Variants in RNF40 observed in about 807,000 individuals in gnomAD.
RNF40 encodes E3 ubiquitin-protein ligase BRE1B.
RNF40 carries 39 observed loss-of-function variants against 123.3 expected under a neutral mutation model. That is an observed-to-expected ratio of 0.32 (90% confidence interval 0.24 to 0.41). RNF40 has a LOEUF of 0.41. Ranked by LOEUF, RNF40 falls within the 10% of genes least tolerant of loss-of-function variation. The pLI, the probability that RNF40 is intolerant of heterozygous loss-of-function variation, is 1.00. For synonymous variants in RNF40, 538 were observed against 526.0 expected, an observed-to-expected ratio of 1.02 and a Z score of -0.31; for missense variants, 1,003 against 1,319.9, an observed-to-expected ratio of 0.76 and a Z score of 3.72.
rs940773082 is a variant in RNF40 at position 30,775,486 on chromosome 16, GGAGA to G, written c.*1378_*1381del. Reference sequence around the variant, plus strand: ...GTCCGCACATGGTTAGGAGGTTCTCGGAGAGAGAGCTAGTTTCCCGGTTGCGCTG... The same window carrying G: ...GTCCGCACATGGTTAGGAGGTTCTCGGAGAGCTAGTTTCCCGGTTGCGCTG... On this transcript the variant is annotated 3_prime_UTR_variant, in exon 20 of 20. Transcript: ENST00000324685. 1 of 166,950 alleles carries G rather than the reference GGAGA, an allele frequency of 6.0e-6. No individual in the cohort carries two copies. Among genetic ancestry groups the G allele is most frequent in the African/African-American group, 2.4e-5 (1 of 41,762 alleles). The allele number at this position is 166,950 out of a possible 1,614,324, so 10.3% of individuals were successfully genotyped here.
upstream of RNF40, chr16:30,761,985 G>T: frequency 1.8e-6 from 1 of 558,120 alleles, no homozygotes; most frequent in Admixed American, 3.4e-5. Flanking sequence ...TCACGCCAGT[G>T]GGAGCGAAGA....
rs1370660369 is a variant in RNF40, at chr16:30,762,688, T to C, written c.132+11T>C. ...GGCATCTCTTCCACGGTTCGTGGGCTCTTGCCTTAACCCTCAGAACTTCCC... is the reference window on the plus strand; with the variant it reads ...GGCATCTCTTCCACGGTTCGTGGGCCCTTGCCTTAACCCTCAGAACTTCCC... On this transcript the variant is annotated intron_variant, in intron 2 of 19. Coordinates refer to ENST00000324685, the MANE Select transcript of RNF40 (RefSeq NM_014771.4). 1.9e-6 allele frequency: 3 copies of C among 1,611,776 alleles called. No homozygotes were observed. The highest frequency in any genetic ancestry group is 1.1e-5 in the South Asian group (1 of 90,760).
intron 17 of RNF40, 110 bp downstream of exon 17, chr16:30,769,710 A>C: frequency 8.2e-7 from 1 of 1,215,792 alleles, no homozygotes; most frequent in Non-Finnish European, 1.1e-6. Flanking sequence ...CCAGGCTGTC[A>C]CAGAACAGCT....
intron 19 of RNF40, 90 bp from the exon 20 acceptor site, chr16:30,773,847 TG>T: frequency 1.5e-6 from 2 of 1,303,514 alleles, no homozygotes; most frequent in Non-Finnish European, 2.2e-6. Context: ...GTCTCCAGTG[TG>T]GTGGGCTTGG....
chr16:30,768,219 T>C lies in RNF40; in HGVS notation c.1668T>C (p.Ser556=). The C allele has an allele frequency of 1.9e-6, 3 of 1,613,688 alleles. No individual in the cohort carries two copies. The highest frequency in any genetic ancestry group is 2.5e-6 in the Non-Finnish European group (3 of 1,179,980). The change falls in exon 13 of 20, where the codon AGT becomes AGC. Residue 556 remains serine, a synonymous_variant. Coordinates refer to ENST00000324685, the MANE Select transcript of RNF40 (RefSeq NM_014771.4). The surrounding 1 kb of genome is among the most constrained non-coding windows in gnomAD (Gnocchi z 4.1). ...GKEEGGPGPV[S]TPDNRKEMAP... ...AGGAGGGTGGGCCAGGCCCTGTCAG[T>C]ACCCCCGACAACAGAAAGGAGATGG...
At chr16:30,761,880 C>T, upstream of RNF40, 1 of 897,162 alleles carries the variant, frequency 1.1e-6, no homozygotes, top group Non-Finnish European at 1.6e-6. Context: ...CGCGGAGAGG[C>T]GCGGCGGGGC....
chr16:30,766,790 T>G lies in RNF40; in HGVS notation c.1343T>G (p.Leu448Arg), dbSNP rs1236594606. The G allele has an allele frequency of 6.2e-7, 1 of 1,613,960 alleles. No individual in the cohort carries two copies. Among genetic ancestry groups the G allele is most frequent in the Non-Finnish European group, 8.5e-7 (1 of 1,180,022 alleles). Residue 448 changes from leucine (L) to arginine (R), a missense_variant, in exon 11 of 20, where the codon CTG becomes CGG. Transcript: ENST00000324685. This position sits in a 1 kb window ranked among gnomAD's most constrained non-coding sequence, Gnocchi z 5.4. ...AAGCTACGCACAGAGGTCATTCAGC[T>G]GGAGGACACGCTGGCCCAGGTACGC... is the stretch of plus-strand genomic sequence containing the variant. ...QKKLRTEVIQ[L>R]EDTLAQVRKE... is the part of the protein sequence containing the mutation.
In RNF40 at chr16:30,766,428, A is replaced by G. The variant is rs202224486; in HGVS notation, c.1163A>G (p.Tyr388Cys). ...GAGGTAGTGCGGGAGACGGGGGAGT[A>G]CCGCATGCTGCAGGCCCAATTCTCA... ...PEEVVRETGE[Y>C]RMLQAQFSLL... The change falls in exon 10 of 20, where the codon TAC becomes TGC. Residue 388 changes from tyrosine (Y) to cysteine (C), a missense_variant. Around this residue, in one of 11 missense-constraint regions of RNF40, gnomAD observed 274 missense variants for 356.9 expected, o/e 0.77. Coordinates refer to ENST00000324685, the MANE Select transcript of RNF40 (RefSeq NM_014771.4). The surrounding 1 kb of genome is among the most constrained non-coding windows in gnomAD (Gnocchi z 5.4). The G allele has an allele frequency of 6.2e-7, 1 of 1,613,910 alleles. No homozygotes were observed. Among genetic ancestry groups the G allele is most frequent in the African/African-American group, 1.3e-5 (1 of 75,024 alleles).
chr16:30,761,907 C>A (rs1326937244), upstream of RNF40: 2 of 702,254 alleles, frequency 2.8e-6, no homozygotes, highest in East Asian at 5.8e-5. Context: ...GTGGGGGCGT[C>A]TCCCTCCGTC....
intron 11 of RNF40, 78 bp from the exon 12 acceptor site, chr16:30,767,816 G>T: frequency 6.3e-7 from 1 of 1,596,356 alleles, no homozygotes; most frequent in African/African-American, 1.3e-5. Flanking sequence ...TGATGGCATA[G>T]CCTCTTACCC....
At chr16:30,770,927 G>C (rs2151333595) in intron 17 of RNF40, among the ~76,000 whole-genome samples, 1 of 152,238 alleles carries the variant, frequency 6.6e-6, no homozygotes, top group East Asian at 1.9e-4. Context: ...TGCCAGGCTG[G>C]TCTCAAACTC....
chr16:30,765,162 GCT>G lies in RNF40; in HGVS notation c.772-17_772-16del, dbSNP rs775260202. ...AACCAAGTCCCCCATCCAAGCATCT[GCT>G]CCCTCATTGTTCCCAGTACTCCGAG... is the stretch of plus-strand genomic sequence containing the variant. On this transcript the variant is annotated splice_polypyrimidine_tract_variant and intron_variant, in intron 6 of 19. Coordinates refer to ENST00000324685, the MANE Select transcript of RNF40 (RefSeq NM_014771.4). 6.2e-7 allele frequency: 1 copy of G among 1,613,490 alleles called. No homozygotes were observed. Among genetic ancestry groups the G allele is most frequent in the South Asian group, 1.1e-5 (1 of 91,068 alleles).
chr16:30,764,883 A>G, intron 5 of RNF40, 55 bp from the exon 6 acceptor site: 2 of 1,576,624 alleles, frequency 1.3e-6, no homozygotes, highest in Non-Finnish European at 1.7e-6. Flanking sequence ...AGAATGAGTT[A>G]GTTGTTTGCC....
Position 30,776,088 on chromosome 16 carries a change from T to G in RNF40, c.*1974T>G, listed in dbSNP as rs2054230715. 6.6e-6 allele frequency: 1 copy of G among 152,172 alleles called. No individual in the cohort carries two copies. The highest frequency in any genetic ancestry group is 1.5e-5 in the Non-Finnish European group (1 of 68,030). 9.4% of individuals were successfully genotyped at this position (152,172 alleles called of 1,614,324 possible). On this transcript the variant is annotated 3_prime_UTR_variant, in exon 20 of 20. Coordinates refer to ENST00000324685, the MANE Select transcript of RNF40 (RefSeq NM_014771.4). ...CACCTTCGCCCCTGGAGAGCGCCAG[T>G]CTCAGGAGCGCCGCACCGGTCACGG...
At position 30,768,486 on chromosome 16, in the gene RNF40, GCGGAAGGAATCAGAACTC is replaced by G; in HGVS notation, c.1937_1954del (p.Arg646_Leu651del). ...AGAAGGCCAAGGTGGAAGAAACCAAGCGGAAGGAATCAGAACTCCTCAAGGGTCTCCGAGCAGAGCTCA... is the reference window on the plus strand; with the variant it reads ...AGAAGGCCAAGGTGGAAGAAACCAAGCTCAAGGGTCTCCGAGCAGAGCTCA... On this transcript the variant is annotated inframe_deletion, in exon 13 of 20. Transcript: ENST00000324685. This position sits in a 1 kb window ranked among gnomAD's most constrained non-coding sequence, Gnocchi z 4.1. 1.9e-6 allele frequency: 3 copies of G among 1,610,022 alleles called. No individual in the cohort carries two copies. Among genetic ancestry groups the G allele is most frequent in the Non-Finnish European group, 2.5e-6 (3 of 1,177,582 alleles).
chr16:30,769,740 C>A, intron 17 of RNF40, 140 bp downstream of exon 17: 2 of 927,480 alleles, frequency 2.2e-6, no homozygotes, highest in Non-Finnish European at 3.1e-6. Context: ...TGAACATTTA[C>A]ATGTGCCAGA....
chr16:30,769,627 G>A, intron 17 of RNF40, 27 bp downstream of exon 17: 2 of 1,504,546 alleles, frequency 1.3e-6, no homozygotes, highest in Non-Finnish European at 1.8e-6. Context: ...GGGACACACA[G>A]CTTGGGCTGC....
In RNF40 at chr16:30,763,283, C is replaced by G; in HGVS notation, c.298C>G (p.Gln100Glu). 1 of 1,614,008 alleles carries G rather than the reference C, an allele frequency of 6.2e-7. No individual in the cohort carries two copies. Among genetic ancestry groups the G allele is most frequent in the Non-Finnish European group, 8.5e-7 (1 of 1,179,870 alleles). ...TLLIVNRYWA[Q>E]LDETVEALLR... ...CCTCATCGTCAATCGCTACTGGGCC[C>G]AGGTGGATACCTTCTGCTTTCAAAG... Residue 100 changes from glutamine (Q) to glutamate (E), a missense_variant and splice_region_variant, in exon 3 of 20, where the codon CAG becomes GAG. Coordinates refer to ENST00000324685, the MANE Select transcript of RNF40 (RefSeq NM_014771.4).
At position 30,774,426 on chromosome 16, in the gene RNF40, C is replaced by T. The variant is rs2054200175; in HGVS notation, c.*312C>T. 6.1e-6 allele frequency: 2 copies of T among 327,754 alleles called. No homozygotes were observed. Among genetic ancestry groups the T allele is most frequent in the South Asian group, 1.2e-4 (2 of 17,196 alleles). The allele number at this position is 327,754 out of a possible 1,614,324, so 20.3% of individuals were successfully genotyped here. A position where few individuals can be genotyped will look rare whatever the true frequency, so the allele number is the denominator to read the frequency against. ...CGGAAACTGGCCCTAACCTGTCTGTCTCCGTGGATGCATCCTAACCCTAAG... is the reference window on the plus strand; with the variant it reads ...CGGAAACTGGCCCTAACCTGTCTGTTTCCGTGGATGCATCCTAACCCTAAG... On this transcript the variant is annotated 3_prime_UTR_variant, in exon 20 of 20. Coordinates refer to ENST00000324685, the MANE Select transcript of RNF40 (RefSeq NM_014771.4).
Sources: allele counts gnomAD v4.1 joint callset (sites outside exome capture counted in the v4.1 genomes callset), GRCh38; gene constraint gnomAD v4.1.1; regional missense constraint gnomAD v4.1.1; non-coding constraint Gnocchi (gnomAD v3.1); transcripts MANE v1.5; gene names NCBI Gene and HGNC (gene_info 2026-07-23, HGNC 2026-07-21).